The following CDKL3 variants were observed in gnomAD, a reference collection of about 807,000 sequenced individuals.
The protein encoded by CDKL3 is cyclin dependent kinase like 3.
CDKL3 carries 65 observed loss-of-function variants against 69.3 expected under a neutral mutation model. The observed-to-expected ratio is 0.94, with a 90% confidence interval of 0.77 to 1.15. CDKL3 has a LOEUF of 1.15. Ranked by LOEUF, CDKL3 falls within the 50% of genes most tolerant of loss-of-function variation. The pLI is 0.00. For synonymous variants in CDKL3, 202 were observed against 221.6 expected, an observed-to-expected ratio of 0.91 and a Z score of 0.79; for missense variants, 652 against 689.2, an observed-to-expected ratio of 0.95 and a Z score of 0.61.
chr5:134,357,174 G>A (rs1051572096), intron 3 of CDKL3, among the ~76,000 whole-genome samples: 1 of 152,136 alleles, frequency 6.6e-6, no homozygotes, highest in African/African-American at 2.4e-5. Context: ...AGCCGGGCGC[G>A]GTGGCTCACG....
intron 8 of CDKL3, among the ~76,000 whole-genome samples, chr5:134,293,071 A>C (rs917301139): frequency 4.5e-5 from 5 of 110,878 alleles, no homozygotes; most frequent in Admixed American, 1.4e-4. Context: ...CCCAGGCTGG[A>C]GTGCAATGGC....
chr5:134,357,078 G>A (rs1288027586), intron 3 of CDKL3, among the ~76,000 whole-genome samples: 1 of 152,088 alleles, frequency 6.6e-6, no homozygotes, highest in Non-Finnish European at 1.5e-5. Flanking sequence ...AGTCTTTGAA[G>A]GCAAAATATC....
At chr5:134,288,065 T>C (rs113000646) in intron 8 of CDKL3, among the ~76,000 whole-genome samples, 84 of 152,232 alleles carry the variant, frequency 5.5e-4, no homozygotes, top group African/African-American at 1.9e-3. Flanking sequence ...CAGCTAATTT[T>C]GTATTTTTAG....
intron 5 of CDKL3, among the ~76,000 whole-genome samples, chr5:134,320,448 C>T (rs1043541683): frequency 1.3e-5 from 2 of 151,832 alleles, no homozygotes; most frequent in Non-Finnish European, 2.9e-5. Flanking sequence ...GATGATGGCA[C>T]GTGCCTGTAG....
chr5:134,329,628 C>T (rs1327941450), intron 4 of CDKL3, among the ~76,000 whole-genome samples: 2 of 151,640 alleles, frequency 1.3e-5, no homozygotes, highest in South Asian at 2.1e-4. Flanking sequence ...CGCCACTACG[C>T]CCGGCTAATT....
At chr5:134,308,540 T>C in intron 8 of CDKL3, 34 bp downstream of exon 8, 1 of 1,558,080 alleles carries the variant, frequency 6.4e-7, no homozygotes, top group Non-Finnish European at 8.6e-7. Flanking sequence ...TATAATATAA[T>C]TATACTGGCT....
At chr5:134,328,525 AAC>A (rs1383090635) in intron 4 of CDKL3, among the ~76,000 whole-genome samples, 1 of 152,206 alleles carries the variant, frequency 6.6e-6, no homozygotes, top group East Asian at 1.9e-4. Flanking sequence ...TGAAAAAAAT[AAC>A]AGAGCCTCAA....
chr5:134,345,615 G>A (rs1751668228), intron 4 of CDKL3, among the ~76,000 whole-genome samples: 1 of 152,148 alleles, frequency 6.6e-6, no homozygotes, highest in Admixed American at 6.5e-5. Context: ...GGTAGGTAGT[G>A]GAAAATTACA....
Position 134,354,877 on chromosome 5 carries a change from G to A in CDKL3, c.361-4450C>T, listed in dbSNP as rs556740295. On this transcript the variant is annotated intron_variant, in intron 3 of 12. Coordinates refer to ENST00000265334, the MANE Select transcript of CDKL3 (RefSeq NM_001113575.2). ...CAGGAGAATCGCTTGAACCCAGGAG[G>A]CGGAGGTTGCAGTGAGCTGAGATCG... Among the ~76,000 whole-genome samples the A allele has an allele frequency of 5.1e-4, 78 of 151,988 alleles. 2 individuals carry two copies. Among genetic ancestry groups the A allele is most frequent in the Non-Finnish European group, 6.0e-4 (41 of 67,998 alleles).
At chr5:134,369,720 G>A (rs1011909292), upstream of CDKL3, among the ~76,000 whole-genome samples, 1 of 152,014 alleles carries the variant, frequency 6.6e-6, no homozygotes, top group African/African-American at 2.4e-5. Context: ...ATTGGTGTGC[G>A]CCACCATGCC....
At chr5:134,325,320 A>G (rs1773861643) in intron 4 of CDKL3, among the ~76,000 whole-genome samples, 1 of 152,230 alleles carries the variant, frequency 6.6e-6, no homozygotes, top group African/African-American at 2.4e-5. Context: ...CCTAAGAAAT[A>G]AAGGAATTAA....
chr5:134,347,280 A>G (rs1365995996), intron 4 of CDKL3, among the ~76,000 whole-genome samples: 2 of 152,040 alleles, frequency 1.3e-5, no homozygotes, highest in Non-Finnish European at 2.9e-5. Flanking sequence ...AGACACTGAA[A>G]CTCTCACACT....
downstream of CDKL3, chr5:134,298,312 C>T (rs1765498529): frequency 4.8e-6 from 5 of 1,031,682 alleles, no homozygotes; most frequent in African/African-American, 6.8e-5. Context: ...TAGGAGATAA[C>T]TGACTCGAAG....
At chr5:134,365,765 G>C (rs558200888) in intron 2 of CDKL3, among the ~76,000 whole-genome samples, 10 of 152,232 alleles carry the variant, frequency 6.6e-5, no homozygotes, top group African/African-American at 2.4e-4. Context: ...ACATGTCTTT[G>C]CTCTTTGTCC....
chr5:134,342,337 G>A (rs1025383825), intron 4 of CDKL3, among the ~76,000 whole-genome samples: 5 of 152,150 alleles, frequency 3.3e-5, no homozygotes, highest in Admixed American at 6.5e-5. Flanking sequence ...GGTGGCTCAC[G>A]CCTGTAATCC....
upstream of CDKL3, chr5:134,371,165 C>A: frequency 7.3e-6 from 2 of 273,196 alleles, no homozygotes; most frequent in South Asian, 6.9e-5. Context: ...TCCCTGAAAT[C>A]TCTGGCCCGG....
Position 134,312,313 on chromosome 5 carries a change from G to A in CDKL3, c.860C>T (p.Thr287Ile), listed in dbSNP as rs774929427. 2 of 1,590,058 alleles carry A rather than the reference G, an allele frequency of 1.3e-6. No individual in the cohort carries two copies. The highest frequency in any genetic ancestry group is 1.3e-5 in the African/African-American group (1 of 74,184). The change falls in exon 7 of 13, where the codon ACT (threonine) becomes ATT (isoleucine). Residue 287 changes from threonine to isoleucine, a missense_variant. Coordinates refer to ENST00000265334, the MANE Select transcript of CDKL3 (RefSeq NM_001113575.2). ...TTACTTTTCAATAAATCCATCTCTA[G>A]TAAAATACTCATGATGCAAAAGATC... ...SSDLLHHEYF[T>I]RDGFIEKFMP...
At chr5:134,371,109 A>C (rs139346963), upstream of CDKL3, 1,967 of 231,736 alleles carry the variant, frequency 8.5e-3, 17 homozygotes, top group Non-Finnish European at 0.013. Context: ...TGGATTGTTG[A>C]CAAGGCCGCG....
rs1164800558 is a variant in CDKL3 at position 134,326,817 on chromosome 5, GTATATA to G, written c.540-4920_540-4915del. On this transcript the variant is annotated intron_variant, in intron 4 of 12. Transcript: ENST00000265334. ...TGTGTGTATATATATATATGTGTGT[GTATATA>G]TATATATATATATATATATATATAT... is the stretch of plus-strand genomic sequence containing the variant. Among the ~76,000 whole-genome samples, 354 of 120,324 alleles carry G rather than the reference GTATATA, an allele frequency of 2.9e-3. 5 individuals are homozygous for G. The highest frequency in any genetic ancestry group is 0.011 in the African/African-American group (314 of 27,878). The allele number at this position is 120,324 out of a possible 152,430, so 78.9% of individuals were successfully genotyped here. A position where few individuals can be genotyped will look rare whatever the true frequency, so the allele number is the denominator to read the frequency against.
Sources: allele counts gnomAD v4.1 joint callset (sites outside exome capture counted in the v4.1 genomes callset), GRCh38; gene constraint gnomAD v4.1.1; transcripts MANE v1.5; gene names NCBI Gene and HGNC (gene_info 2026-07-23, HGNC 2026-07-21).